The following FOXP2 variants were observed in gnomAD, a reference collection of about 807,000 sequenced individuals.
The protein encoded by FOXP2 is forkhead box P2, also known as forkhead box protein P2.
In FOXP2, 12 loss-of-function variants were observed where a neutral mutation model predicts 115.8. The ratio of observed to expected loss-of-function variants is 0.10; its 90% CI spans 0.07 to 0.17. The LOEUF is 0.17. FOXP2 is among the 10% of genes least tolerant of loss of function. The pLI is 1.00. For synonymous variants in FOXP2, 328 were observed against 297.7 expected, an observed-to-expected ratio of 1.10 and a Z score of -1.05; for missense variants, 629 against 843.5, an observed-to-expected ratio of 0.75 and a Z score of 3.15.
chr7:114,404,080 T>TAA (rs1792958411), intron 2 of FOXP2, among the ~76,000 whole-genome samples: 6 of 152,148 alleles, frequency 3.9e-5, no homozygotes, highest in Non-Finnish European at 8.8e-5. Flanking sequence ...ATGAATGGCT[T>TAA]ACCATTCATT....
chr7:114,544,143 C>T (rs1344094545), intron 3 of FOXP2, among the ~76,000 whole-genome samples: 1 of 152,128 alleles, frequency 6.6e-6, no homozygotes, highest in African/African-American at 2.4e-5. Context: ...TCATGAGCCA[C>T]AGCACCCAGC....
chr7:114,211,061 C>T (rs1379989686), intron 1 of FOXP2, among the ~76,000 whole-genome samples: 2 of 152,176 alleles, frequency 1.3e-5, no homozygotes, highest in Non-Finnish European at 2.9e-5. Context: ...GGAACTCGGA[C>T]CCGCCTCAGG....
upstream of FOXP2, chr7:114,087,632 G>C (rs1799448930): frequency 1.4e-5 from 2 of 147,182 alleles, no homozygotes; most frequent in East Asian, 4.0e-4. Flanking sequence ...CGGCGGCGGC[G>C]GCGGCGCCGG....
chr7:114,692,388 C>T lies in FOXP2; in HGVS notation c.*2462C>T. On this transcript the variant is annotated 3_prime_UTR_variant, in exon 17 of 17. Coordinates refer to ENST00000350908, the MANE Select transcript of FOXP2 (RefSeq NM_014491.4). ...TGCTTGCACATTATACCAGAAAAAC[C>T]TCCAAAACTGCAATTGCTTTGAAAA... is the stretch of plus-strand genomic sequence containing the variant. The T allele has an allele frequency of 2.2e-6, 1 of 451,862 alleles. No homozygotes were observed. Among genetic ancestry groups the T allele is most frequent in the Non-Finnish European group, 4.4e-6 (1 of 226,296 alleles). The allele number at this position is 451,862 out of a possible 1,614,324, so 28.0% of individuals were successfully genotyped here.
At chr7:114,512,058 G>A (rs1798103414) in intron 2 of FOXP2, among the ~76,000 whole-genome samples, 1 of 151,934 alleles carries the variant, frequency 6.6e-6, no homozygotes, top group African/African-American at 2.4e-5. Context: ...TAACTTAAGA[G>A]TTTGATTTTG....
chr7:114,509,935 G>GA (rs1797993748), intron 2 of FOXP2, among the ~76,000 whole-genome samples: 1 of 151,928 alleles, frequency 6.6e-6, no homozygotes, highest in Non-Finnish European at 1.5e-5. Flanking sequence ...GAAAAAAAAA[G>GA]GTGCTCACAA....
At chr7:114,354,571 C>A (rs551416141) in intron 2 of FOXP2, among the ~76,000 whole-genome samples, 124 of 152,134 alleles carry the variant, frequency 8.2e-4, no homozygotes, top group African/African-American at 2.9e-3. Context: ...TCAAGGGGAA[C>A]AGATAAGCTT....
chr7:114,517,860 A>G (rs1421111860), intron 2 of FOXP2, among the ~76,000 whole-genome samples: 1 of 152,048 alleles, frequency 6.6e-6, no homozygotes, highest in Non-Finnish European at 1.5e-5. Context: ...GATTTCCGTG[A>G]AAAATATCAT....
In FOXP2 at chr7:114,662,197, G is replaced by A. The variant is rs1806908119; in HGVS notation, c.1769+11G>A. On this transcript the variant is annotated intron_variant, in intron 14 of 16. Transcript: ENST00000350908. Reference sequence around the variant, plus strand: ...ACAAAAGATAACAGGGTATGTTTGTGATAGTTTTGTAATCCTGTATCCTGC... The same window carrying A: ...ACAAAAGATAACAGGGTATGTTTGTAATAGTTTTGTAATCCTGTATCCTGC... The A allele has an allele frequency of 3.1e-6, 5 of 1,612,148 alleles. No individual in the cohort carries two copies. The highest frequency in any genetic ancestry group is 4.2e-6 in the Non-Finnish European group (5 of 1,178,652).
intron 1 of FOXP2, among the ~76,000 whole-genome samples, chr7:114,258,138 A>G (rs1203632156): frequency 6.6e-6 from 1 of 152,188 alleles, no homozygotes; most frequent in African/African-American, 2.4e-5. Flanking sequence ...AAAACCAGAA[A>G]TACTAGGAAG....
At chr7:114,616,262 A>G (rs1803947341) in intron 3 of FOXP2, among the ~76,000 whole-genome samples, 1 of 152,084 alleles carries the variant, frequency 6.6e-6, no homozygotes, top group Non-Finnish European at 1.5e-5. Flanking sequence ...TCCAGGGTTC[A>G]AGCGATTCTC....
chr7:114,653,564 C>G (rs1160974592), intron 9 of FOXP2: 1 of 341,098 alleles, frequency 2.9e-6, no homozygotes, highest in Non-Finnish European at 5.7e-6. Context: ...CCCTTCACAG[C>G]TGTTGGCACT....
At chr7:114,288,809 A>G in intron 2 of FOXP2, among the ~76,000 whole-genome samples, 1 of 151,942 alleles carries the variant, frequency 6.6e-6, no homozygotes, top group East Asian at 1.9e-4. Flanking sequence ...AATTTAGAAT[A>G]ATATAATTTT....
upstream of FOXP2, chr7:114,414,640 G>T (rs1322191013): frequency 6.1e-6 from 1 of 164,418 alleles, no homozygotes; most frequent in African/African-American, 2.4e-5. Context: ...GTGCATTGAA[G>T]ATTATTTCTT....
chr7:114,456,755 T>C (rs1413496076), intron 2 of FOXP2, among the ~76,000 whole-genome samples: 1 of 152,144 alleles, frequency 6.6e-6, no homozygotes, highest in African/African-American at 2.4e-5. Flanking sequence ...ACAAGAGCCA[T>C]GATATGGAAA....
At position 114,644,688 on chromosome 7, in the gene FOXP2, G is replaced by A. The variant is rs200003519; in HGVS notation, c.993G>A (p.Ser331=). ...ACGTCGTGTTCTTTTGCTACAGCTC[G>A]TCACATGAGGAGACTGGGGCCTCTC... The part of the protein sequence containing the change: ...SSVLSARRDS[S]SHEETGASHT... The change falls in exon 8 of 17, where the codon TCG becomes TCA. Residue 331 remains serine, a synonymous_variant. Coordinates refer to ENST00000350908, the MANE Select transcript of FOXP2 (RefSeq NM_014491.4). 34 of 1,613,332 alleles carry A rather than the reference G, an allele frequency of 2.1e-5. No individual in the cohort carries two copies. The East Asian group carries it at 2.9e-4, about 14-fold the overall frequency.
chr7:114,686,552 A>G (rs555703315), intron 16 of FOXP2, among the ~76,000 whole-genome samples: 65 of 152,288 alleles, frequency 4.3e-4, no homozygotes, highest in African/African-American at 1.5e-3. Flanking sequence ...TTCTTGTAGC[A>G]CATTCTAATA....
rs1400180568 is a variant in FOXP2, at chr7:114,663,457, A to G, written c.1777A>G (p.Thr593Ala). ...RRSQKITGSP[T>A]LVKNIPTSLG... ...ATATATTTTTTTTTTCAGAAGTCCAACCTTAGTAAAAAATATACCTACCAG... is the reference window on the plus strand; with the variant it reads ...ATATATTTTTTTTTTCAGAAGTCCAGCCTTAGTAAAAAATATACCTACCAG... The change falls in exon 15 of 17, where the codon ACC (threonine) becomes GCC (alanine). Residue 593 changes from threonine to alanine, a missense_variant. This residue lies in a region of FOXP2 where 40 missense variants were observed against 75.3 expected (regional missense o/e 0.53). Coordinates refer to ENST00000350908, the MANE Select transcript of FOXP2 (RefSeq NM_014491.4). The G allele has an allele frequency of 1.2e-6, 2 of 1,608,206 alleles. No homozygotes were observed. Among genetic ancestry groups the G allele is most frequent in the East Asian group, 2.2e-5 (1 of 44,770 alleles).
intron 2 of FOXP2, among the ~76,000 whole-genome samples, chr7:114,288,637 TC>T (rs1796519256): frequency 6.6e-6 from 1 of 151,842 alleles, no homozygotes; most frequent in Non-Finnish European, 1.5e-5. Flanking sequence ...AGATTTGTTT[TC>T]TTTTTTAATG....
Sources: gnomAD v4.1 joint callset for allele counts (sites outside exome capture counted in the v4.1 genomes callset) on GRCh38, gnomAD v4.1.1 for gene constraint, gnomAD v4.1.1 regional missense constraint, MANE v1.5 for transcripts, NCBI Gene and HGNC (gene_info 2026-07-23, HGNC 2026-07-21) for gene names.